Variants in TRPC4AP observed in about 807,000 individuals in gnomAD.
TRPC4AP encodes the protein short transient receptor potential channel 4-associated protein.
Under a neutral mutation model 99.0 loss-of-function variants are expected in TRPC4AP, and 45 were observed. The observed-to-expected ratio is 0.45, with a 90% CI of 0.36 to 0.58. The LOEUF is 0.58. Among genes scored for constraint, TRPC4AP ranks in the 20% least tolerant of loss-of-function variants. TRPC4AP has a pLI of 0.00. For synonymous variants in TRPC4AP, 408 were observed against 385.8 expected (o/e 1.06, Z -0.67); for missense variants, 879 against 985.3 (o/e 0.89, Z 1.44).
At chr20:35,046,613 G>A (rs115559073) in intron 6 of TRPC4AP, among the ~76,000 whole-genome samples, 136 of 152,268 alleles carry the variant, frequency 8.9e-4, no homozygotes, top group South Asian at 2.7e-3. Context: ...ATTCCTAGAA[G>A]CTCTCATGAA....
At chr20:35,075,712 T>C (rs142304991) in intron 2 of TRPC4AP, among the ~76,000 whole-genome samples, 12,467 of 152,268 alleles carry the variant, frequency 0.082, 593 homozygotes, top group South Asian at 0.13. Flanking sequence ...ATTTCAACTT[T>C]GGTGAATCTG....
intron 8 of TRPC4AP, among the ~76,000 whole-genome samples, chr20:35,033,049 T>C (rs2083237834): frequency 6.6e-6 from 1 of 151,918 alleles, no homozygotes; most frequent in African/African-American, 2.4e-5. Flanking sequence ...TACAAAAAAT[T>C]AGCCGGGTGT....
chr20:35,033,700 G>A (rs2083253874), intron 8 of TRPC4AP, among the ~76,000 whole-genome samples: 1 of 152,214 alleles, frequency 6.6e-6, no homozygotes. Context: ...TAATTAAGAA[G>A]AGGGTACCTG....
intron 9 of TRPC4AP, among the ~76,000 whole-genome samples, chr20:35,020,925 C>A (rs1600525486): frequency 1.3e-5 from 2 of 152,210 alleles, no homozygotes; most frequent in South Asian, 4.1e-4. Flanking sequence ...GTCTTCACCT[C>A]ACAGAGGCAA....
chr20:35,008,647 CT>C lies in TRPC4AP; in HGVS notation c.1595+16del. 2 of 1,610,378 alleles carry C rather than the reference CT, an allele frequency of 1.2e-6. No homozygotes were observed. The highest frequency in any genetic ancestry group is 1.7e-6 in the Non-Finnish European group (2 of 1,178,264). ...TGCAGCCCCGCAGAATCGGCAGGTA[CT>C]TTTCCCCAGACTCACCTGAAAGACG... On this transcript the variant is annotated intron_variant, in intron 13 of 18. Transcript: ENST00000252015.
At position 35,012,490 on chromosome 20, in the gene TRPC4AP, C is replaced by T. The variant is rs2082660716; in HGVS notation, c.1409+518G>A. On this transcript the variant is annotated intron_variant, in intron 11 of 18. Transcript: ENST00000252015. The stretch of plus-strand genomic sequence containing the variant: ...AGGGTCAGCTGCTAGTCACCCCCTT[C>T]CTGCACTGTTTTCCTTACAGCAGAG... Among the ~76,000 whole-genome samples the T allele has an allele frequency of 3.9e-5, 6 of 152,336 alleles. No homozygotes were observed. In the South Asian group the frequency reaches 1.2e-3, roughly 32 times the overall value.
intron 7 of TRPC4AP, among the ~76,000 whole-genome samples, chr20:35,040,202 TGGACTATG>T (rs1223900442): frequency 1.3e-5 from 2 of 152,074 alleles, no homozygotes; most frequent in African/African-American, 4.8e-5. Context: ...TCAACTTGAC[TGGACTATG>T]GGATGCCTAC....
Position 35,021,286 on chromosome 20 carries a change from C to G in TRPC4AP, c.1122G>C (p.Gln374His), listed in dbSNP as rs1430933171. 3 of 1,614,166 alleles carry G rather than the reference C, an allele frequency of 1.9e-6. No homozygotes were observed. Among genetic ancestry groups the G allele is most frequent in the Admixed American group, 3.3e-5 (2 of 60,020 alleles). The stretch of plus-strand genomic sequence containing the variant: ...GCATAATCTTCATTGACTGGGGCAG[C>G]TGGGTTCTGGCTGACGTGTGAGGCA... ...NGLPHTSART[Q>H]LPQSMKIMHE... Residue 374 changes from glutamine (Q) to histidine (H), a missense_variant, in exon 9 of 19, where the codon CAG becomes CAC. Physicochemically the swap from Gln to His is conservative, Grantham distance 24. This residue lies in a region of TRPC4AP where 603 missense variants were observed against 631.8 expected (regional missense o/e 0.95). Coordinates refer to ENST00000252015, the MANE Select transcript of TRPC4AP (RefSeq NM_015638.3).
At chr20:35,039,843 T>C (rs979392314) in intron 7 of TRPC4AP, among the ~76,000 whole-genome samples, 1 of 151,752 alleles carries the variant, frequency 6.6e-6, no homozygotes, top group African/African-American at 2.4e-5. Context: ...CAAAAAATAA[T>C]TATTTATTTT....
At chr20:35,046,068 T>C (rs151142516) in intron 6 of TRPC4AP, among the ~76,000 whole-genome samples, 21 of 152,366 alleles carry the variant, frequency 1.4e-4, no homozygotes, top group South Asian at 6.2e-4. Flanking sequence ...TACACATGTA[T>C]GTGACCATTT....
intron 1 of TRPC4AP, among the ~76,000 whole-genome samples, chr20:35,089,101 T>A (rs1241704055): frequency 6.6e-6 from 1 of 151,502 alleles, no homozygotes; most frequent in Non-Finnish European, 1.5e-5. Context: ...ACTCCTGGGC[T>A]CAAACAATCC....
chr20:35,063,529 C>T (rs1051773356), intron 3 of TRPC4AP, among the ~76,000 whole-genome samples: 8 of 151,964 alleles, frequency 5.3e-5, no homozygotes, highest in African/African-American at 1.7e-4. Context: ...TGGGTGGTTA[C>T]AAGAATTAAC....
At chr20:35,023,955 C>G (rs1267401558) in intron 8 of TRPC4AP, among the ~76,000 whole-genome samples, 2 of 152,234 alleles carry the variant, frequency 1.3e-5, no homozygotes, top group Non-Finnish European at 2.9e-5. Flanking sequence ...TTTCAAGAAA[C>G]AGTCTCCAAA....
At chr20:35,012,889 G>A in intron 11 of TRPC4AP, 119 bp downstream of exon 11, 3 of 983,378 alleles carry the variant, frequency 3.1e-6, no homozygotes, top group East Asian at 2.4e-5. Context: ...TGAGGGGACA[G>A]TGGGCTTCCA....
intron 13 of TRPC4AP, 75 bp from the exon 14 acceptor site, chr20:35,007,715 G>C (rs2082543962): frequency 6.7e-7 from 1 of 1,489,632 alleles, no homozygotes; most frequent in Non-Finnish European, 9.4e-7. Context: ...AAGGGGTTGG[G>C]AGATGTTTGT....
intron 13 of TRPC4AP, 68 bp from the exon 14 acceptor site, chr20:35,007,708 G>A: frequency 6.6e-7 from 1 of 1,525,394 alleles, no homozygotes; most frequent in Non-Finnish European, 9.1e-7. Flanking sequence ...GTTCTCCAAG[G>A]GGTTGGGAGA....
chr20:35,086,655 G>C (rs2057742577), intron 1 of TRPC4AP, among the ~76,000 whole-genome samples: 1 of 151,298 alleles, frequency 6.6e-6, no homozygotes, highest in South Asian at 2.1e-4. Context: ...GGTAAGATTT[G>C]TTTGACTTAA....
chr20:35,048,797 G>C (rs2083622381), intron 6 of TRPC4AP, among the ~76,000 whole-genome samples: 1 of 152,152 alleles, frequency 6.6e-6, no homozygotes, highest in African/African-American at 2.4e-5. Context: ...TTCCACTCTG[G>C]AGGTCCCCTT....
At chr20:35,025,433 A>G (rs776196024) in intron 8 of TRPC4AP, among the ~76,000 whole-genome samples, 11 of 152,110 alleles carry the variant, frequency 7.2e-5, no homozygotes, top group Non-Finnish European at 1.5e-4. Flanking sequence ...TTGGCCTCCC[A>G]AAGTATTGGG....
Sources: gnomAD v4.1 joint callset for allele counts (sites outside exome capture counted in the v4.1 genomes callset) on GRCh38, gnomAD v4.1.1 for gene constraint, gnomAD v4.1.1 regional missense constraint, MANE v1.5 for transcripts, NCBI Gene and HGNC (gene_info 2026-07-23, HGNC 2026-07-21) for gene names.